The following STK32B variants were observed in gnomAD, a reference collection of about 807,000 sequenced individuals.
The protein encoded by STK32B is serine/threonine kinase 32B.
STK32B carries 43 observed loss-of-function variants against 52.6 expected under a neutral mutation model. That is an observed-to-expected ratio of 0.82 (90% CI 0.64 to 1.05). STK32B has a LOEUF of 1.05. Among genes scored for constraint, STK32B ranks in the 50% least tolerant of loss-of-function variants. The pLI, the probability that STK32B is intolerant of heterozygous loss-of-function variation, is 0.00. For missense variants in STK32B, 621 were observed against 534.6 expected (o/e 1.16, Z -1.59); for synonymous variants, 238 against 204.3 (o/e 1.17, Z -1.41).
rs1030334916 is a variant in STK32B at position 5,374,643 on chromosome 4, C to G, written c.435-23564C>G. ...AAGTGGTAGAAAGGGCAAGGCACCT[C>G]CCTTCAGCGTCTTTTATAAGGGTAT... On this transcript the variant is annotated intron_variant, in intron 4 of 11. Coordinates refer to ENST00000282908, the MANE Select transcript of STK32B (RefSeq NM_018401.3). Among the ~76,000 whole-genome samples, 4 of 152,180 alleles carry G rather than the reference C, an allele frequency of 2.6e-5. No individual in the cohort carries two copies. In the East Asian group the frequency reaches 7.7e-4, roughly 29 times the overall value.
chr4:5,205,095 C>A (rs1304686070), intron 3 of STK32B, among the ~76,000 whole-genome samples: 1 of 152,204 alleles, frequency 6.6e-6, no homozygotes, highest in Non-Finnish European at 1.5e-5. Context: ...TTTTCCCTCT[C>A]TTCTAGAGCA....
intron 4 of STK32B, among the ~76,000 whole-genome samples, chr4:5,363,951 A>G (rs1409086147): frequency 6.6e-6 from 1 of 152,134 alleles, no homozygotes; most frequent in African/African-American, 2.4e-5. Flanking sequence ...CTCTATCCCT[A>G]CTAAGTAGGT....
chr4:5,334,382 G>A (rs1230453226), intron 4 of STK32B, among the ~76,000 whole-genome samples: 1 of 152,098 alleles, frequency 6.6e-6, no homozygotes, highest in Non-Finnish European at 1.5e-5. Context: ...TTTGGGCTGA[G>A]ACAATGGGGT....
chr4:5,171,321 A>G (rs1719353796), intron 3 of STK32B, among the ~76,000 whole-genome samples: 1 of 151,900 alleles, frequency 6.6e-6, no homozygotes, highest in East Asian at 1.9e-4. Context: ...ATGAGATCCC[A>G]TTTGTCAATT....
At chr4:5,101,260 C>T (rs1395263052) in intron 1 of STK32B, among the ~76,000 whole-genome samples, 1 of 152,104 alleles carries the variant, frequency 6.6e-6, no homozygotes, top group Non-Finnish European at 1.5e-5. Context: ...ATATTTGGGG[C>T]ACACACGGTG....
At chr4:5,310,307 C>G (rs923465396) in intron 3 of STK32B, among the ~76,000 whole-genome samples, 1 of 152,066 alleles carries the variant, frequency 6.6e-6, no homozygotes, top group Non-Finnish European at 1.5e-5. Flanking sequence ...GGTTAATATT[C>G]AGAACATAAA....
chr4:5,323,373 A>G (rs1287634569), intron 3 of STK32B, among the ~76,000 whole-genome samples: 1 of 152,146 alleles, frequency 6.6e-6, no homozygotes, highest in East Asian at 1.9e-4. Context: ...GTTCTGAAGC[A>G]GAAGGGGAGC....
intron 1 of STK32B, among the ~76,000 whole-genome samples, chr4:5,057,818 A>G (rs1036754336): frequency 2.6e-4 from 40 of 152,204 alleles, no homozygotes; most frequent in African/African-American, 9.4e-4. Flanking sequence ...GACTGAGATG[A>G]AGAAACTGTT....
intron 1 of STK32B, among the ~76,000 whole-genome samples, chr4:5,072,349 G>A (rs1711834568): frequency 6.6e-6 from 1 of 152,004 alleles, no homozygotes. Context: ...ATCCCTAAAT[G>A]TACCCCTCCT....
chr4:5,150,260 A>G (rs948360529), intron 2 of STK32B, among the ~76,000 whole-genome samples: 1 of 151,914 alleles, frequency 6.6e-6, no homozygotes, highest in African/African-American at 2.4e-5. Flanking sequence ...CTTTTCCTTT[A>G]TTTCAGTCAT....
intron 4 of STK32B, among the ~76,000 whole-genome samples, chr4:5,376,872 C>T (rs981212338): frequency 3.3e-5 from 5 of 152,174 alleles, no homozygotes; most frequent in Non-Finnish European, 7.3e-5. Context: ...CCTCGGCCTG[C>T]CCCAGCCTCC....
At chr4:5,113,112 C>G (rs1449795193) in intron 1 of STK32B, among the ~76,000 whole-genome samples, 1 of 152,076 alleles carries the variant, frequency 6.6e-6, no homozygotes, top group Non-Finnish European at 1.5e-5. Context: ...AACCTAATCC[C>G]CAATGTGATG....
intron 1 of STK32B, among the ~76,000 whole-genome samples, chr4:5,060,398 T>A (rs1456485355): frequency 6.6e-6 from 1 of 152,164 alleles, no homozygotes; most frequent in Non-Finnish European, 1.5e-5. Context: ...AATTTGTGCT[T>A]TCTTTTTCAT....
intron 1 of STK32B, among the ~76,000 whole-genome samples, chr4:5,126,301 C>T (rs1715360809): frequency 6.6e-6 from 1 of 152,130 alleles, no homozygotes; most frequent in African/African-American, 2.4e-5. Flanking sequence ...TTCTTCTCTC[C>T]CTCCATCCCT....
chr4:5,489,933 A>G (rs955145938), intron 11 of STK32B, among the ~76,000 whole-genome samples: 1 of 152,226 alleles, frequency 6.6e-6, no homozygotes, highest in African/African-American at 2.4e-5. Context: ...ATACATAAAT[A>G]CATCTAGACA....
At chr4:5,331,094 A>G (rs953400080) in intron 3 of STK32B, 126 bp from the exon 4 acceptor site, 5 of 860,860 alleles carry the variant, frequency 5.8e-6, no homozygotes, top group Non-Finnish European at 6.9e-6. Flanking sequence ...CCATAGCACC[A>G]TGACTCAGGC....
chr4:5,059,402 A>G (rs1418263934), intron 1 of STK32B, among the ~76,000 whole-genome samples: 1 of 152,134 alleles, frequency 6.6e-6, no homozygotes, highest in Admixed American at 6.5e-5. Context: ...TGATTTGCTG[A>G]CAGTTTTTAT....
rs1560368095 is a variant in STK32B, at chr4:5,380,912, C to G, written c.435-17295C>G. 6.6e-6 allele frequency among the ~76,000 whole-genome samples: 1 copy of G among 152,134 alleles called. No individual in the cohort carries two copies. On this transcript the variant is annotated intron_variant, in intron 4 of 11. Coordinates refer to ENST00000282908, the MANE Select transcript of STK32B (RefSeq NM_018401.3). The surrounding 1 kb of genome is among the most constrained non-coding windows in gnomAD (Gnocchi z 4.3). ...CTGCAGCTCATCATAGTTGTCAGTG[C>G]CAACGTCATCATTATCCTCTCCAGC... is the stretch of plus-strand genomic sequence containing the variant.
chr4:5,085,546 C>T (rs559821911), intron 1 of STK32B, among the ~76,000 whole-genome samples: 123 of 152,228 alleles, frequency 8.1e-4, no homozygotes, highest in African/African-American at 2.8e-3. Flanking sequence ...AAGGAAGCAC[C>T]CTGTAACATG....
Sources: allele counts gnomAD v4.1 joint callset (sites outside exome capture counted in the v4.1 genomes callset), GRCh38; gene constraint gnomAD v4.1.1; non-coding constraint Gnocchi (gnomAD v3.1); transcripts MANE v1.5; gene names NCBI Gene and HGNC (gene_info 2026-07-23, HGNC 2026-07-21).